Variants in PUS7 observed in about 807,000 individuals in gnomAD.
The protein encoded by PUS7 is pseudouridine synthase 7, also known as pseudouridylate synthase 7 homolog.
A neutral mutation model predicts 79.8 loss-of-function variants in PUS7; 48 were observed. The observed-to-expected ratio is 0.60, with a 90% CI of 0.48 to 0.76. The LOEUF (loss-of-function observed/expected upper bound fraction) is 0.76, where lower values mean the gene tolerates loss of function less well. PUS7 is among the 30% of genes least tolerant of loss of function. The probability of loss-of-function intolerance (pLI) is 0.00; values close to 1 mark genes in which losing one functional copy is unlikely to be tolerated. For synonymous variants in PUS7, 286 were observed against 272.2 expected (o/e 1.05, Z -0.50); for missense variants, 729 against 797.6 (o/e 0.91, Z 1.04).
chr7:105,462,450 A>C (rs1009650045), intron 14 of PUS7, 171 bp downstream of exon 14: 78 of 741,660 alleles, frequency 1.1e-4, no homozygotes, highest in African/African-American at 8.4e-4. Context: ...CCAAAAAAAA[A>C]ACAAAAGGTA....
intron 1 of PUS7, 62 bp from the exon 2 acceptor site, chr7:105,508,606 G>A (rs966907290): frequency 2.8e-5 from 43 of 1,523,096 alleles, no homozygotes; most frequent in Middle Eastern, 1.8e-4. Context: ...GGCCGGGCGC[G>A]GTGGCTCACA....
At chr7:105,492,557 G>A (rs1465309312) in intron 6 of PUS7, among the ~76,000 whole-genome samples, 8 of 140,154 alleles carry the variant, frequency 5.7e-5, no homozygotes, top group Admixed American at 3.7e-4. Flanking sequence ...CCAGGCTGGA[G>A]TGCAGTGGCG....
At chr7:105,520,250 G>A (rs549552951) in intron 1 of PUS7, among the ~76,000 whole-genome samples, 1 of 151,970 alleles carries the variant, frequency 6.6e-6, no homozygotes, top group Non-Finnish European at 1.5e-5. Flanking sequence ...ATGAGGTCAG[G>A]AAATCGAGAC....
At chr7:105,505,531 T>C (rs1825419842) in intron 4 of PUS7, among the ~76,000 whole-genome samples, 1 of 152,134 alleles carries the variant, frequency 6.6e-6, no homozygotes, top group Non-Finnish European at 1.5e-5. Context: ...ACAACGGACA[T>C]TGTGGTATAA....
intron 7 of PUS7, among the ~76,000 whole-genome samples, chr7:105,488,839 T>C (rs2133163840): frequency 6.6e-6 from 1 of 152,252 alleles, no homozygotes; most frequent in Non-Finnish European, 1.5e-5. Flanking sequence ...ATTTTCTACC[T>C]AGTTCTTTCT....
At chr7:105,458,088 T>G (rs1038458449) in intron 15 of PUS7, among the ~76,000 whole-genome samples, 162 bp from the exon 16 acceptor site, 4 of 152,086 alleles carry the variant, frequency 2.6e-5, no homozygotes, top group African/African-American at 7.2e-5. Context: ...AAGAGATCTG[T>G]GAGTGTGAAC....
chr7:105,488,190 G>GA (rs1222885333), intron 7 of PUS7, among the ~76,000 whole-genome samples: 1 of 151,596 alleles, frequency 6.6e-6, no homozygotes, highest in Non-Finnish European at 1.5e-5. Flanking sequence ...GGCTGACCAA[G>GA]AAAAAAAAGA....
chr7:105,511,524 G>A (rs139704054), intron 1 of PUS7, among the ~76,000 whole-genome samples: 232 of 151,906 alleles, frequency 1.5e-3, no homozygotes, highest in African/African-American at 5.4e-3. Flanking sequence ...CACTTTGGGA[G>A]GCTGAGGTGG....
chr7:105,457,995 A>C, intron 15 of PUS7, 69 bp from the exon 16 acceptor site: 1 of 1,541,032 alleles, frequency 6.5e-7, no homozygotes, highest in South Asian at 1.2e-5. Flanking sequence ...GAGTCACATA[A>C]TCTCTAAGCA....
In PUS7 at chr7:105,514,373, G is replaced by A. The variant is rs536198897; in HGVS notation, c.-32-5829C>T. Among the ~76,000 whole-genome samples, 5 of 152,292 alleles carry A rather than the reference G, an allele frequency of 3.3e-5. No homozygotes were observed. The East Asian group carries it at 9.7e-4, about 29-fold the overall frequency. On this transcript the variant is annotated intron_variant, in intron 1 of 15. Coordinates refer to ENST00000469408, the MANE Select transcript of PUS7 (RefSeq NM_019042.5). ...TAATCCCAGCACTTTGGGAGGCCAA[G>A]GCAGGTGGATCACAAGGTCAAGAGA...
intron 7 of PUS7, among the ~76,000 whole-genome samples, chr7:105,484,747 G>A (rs1824475863): frequency 6.6e-6 from 1 of 151,102 alleles, no homozygotes; most frequent in African/African-American, 2.4e-5. Flanking sequence ...GAGCCCGGGA[G>A]GCAGAGGTTG....
chr7:105,504,118 G>A (rs996848401), intron 4 of PUS7, among the ~76,000 whole-genome samples: 5 of 146,698 alleles, frequency 3.4e-5, no homozygotes, highest in African/African-American at 1.3e-4. Context: ...TGCCCAGGCT[G>A]GAGTGCAATG....
At chr7:105,512,052 G>A (rs746600828) in intron 1 of PUS7, among the ~76,000 whole-genome samples, 28 of 150,956 alleles carry the variant, frequency 1.9e-4, no homozygotes, top group Admixed American at 1.5e-3. Context: ...GGCTGAGGTA[G>A]GAGAATCGCT....
chr7:105,518,248 G>A (rs1046110895), intron 1 of PUS7, among the ~76,000 whole-genome samples: 1 of 151,922 alleles, frequency 6.6e-6, no homozygotes, highest in Non-Finnish European at 1.5e-5. Context: ...AGGACGTTGA[G>A]GCTGCAGTAA....
intron 11 of PUS7, 42 bp downstream of exon 11, chr7:105,470,646 A>T: frequency 6.7e-7 from 1 of 1,503,188 alleles, no homozygotes; most frequent in Non-Finnish European, 8.9e-7. Flanking sequence ...AAAAGCATTA[A>T]AACGCCTTGA....
At chr7:105,516,214 G>A (rs1310183630) in intron 1 of PUS7, among the ~76,000 whole-genome samples, 1 of 151,956 alleles carries the variant, frequency 6.6e-6, no homozygotes, top group Non-Finnish European at 1.5e-5. Flanking sequence ...CAAAGTGCTG[G>A]GATTACAGGC....
At chr7:105,516,566 G>A (rs933818906) in intron 1 of PUS7, among the ~76,000 whole-genome samples, 1 of 151,924 alleles carries the variant, frequency 6.6e-6, no homozygotes, top group African/African-American at 2.4e-5. Context: ...TGATTCTCCT[G>A]CCTCAGCTTC....
intron 5 of PUS7, among the ~76,000 whole-genome samples, 157 bp downstream of exon 5, chr7:105,502,263 G>A (rs901255749): frequency 2.6e-5 from 4 of 152,126 alleles, no homozygotes; most frequent in Non-Finnish European, 4.4e-5. Context: ...GGCATCTGAA[G>A]TGACAATACT....
intron 1 of PUS7, among the ~76,000 whole-genome samples, chr7:105,511,587 C>A (rs934659379): frequency 6.6e-5 from 10 of 150,780 alleles, no homozygotes; most frequent in Admixed American, 6.0e-4. Context: ...CATGGTGAAA[C>A]CCCTCTCTAG....
Sources: gnomAD v4.1 joint callset for allele counts (sites outside exome capture counted in the v4.1 genomes callset) on GRCh38, gnomAD v4.1.1 for gene constraint, MANE v1.5 for transcripts, NCBI Gene and HGNC (gene_info 2026-07-23, HGNC 2026-07-21) for gene names.